The following TULP1 variants were observed in gnomAD, a reference collection of about 807,000 sequenced individuals.
The protein encoded by TULP1 is tubby-related protein 1.
In TULP1, 50 loss-of-function variants were observed where a neutral mutation model predicts 67.1. The ratio of observed to expected loss-of-function variants is 0.75; its 90% CI spans 0.59 to 0.94. The LOEUF (loss-of-function observed/expected upper bound fraction) is 0.94. Ranked by LOEUF, TULP1 falls within the 40% of genes least tolerant of loss-of-function variation. The pLI is 0.00. For missense variants in TULP1, 746 were observed against 734.1 expected, an observed-to-expected ratio of 1.02 and a Z score of -0.19; for synonymous variants, 297 against 294.0, an observed-to-expected ratio of 1.01 and a Z score of -0.11.
intron 14 of TULP1, 79 bp downstream of exon 14, chr6:35,499,902 G>T: frequency 6.6e-7 from 1 of 1,517,918 alleles, no homozygotes; most frequent in Non-Finnish European, 9.1e-7. Flanking sequence ...TGTGTGTGAG[G>T]GGGTGAGGGG....
At chr6:35,510,621 GTCC>G (rs1761176038) in intron 5 of TULP1, 1 of 726,466 alleles carries the variant, frequency 1.4e-6, no homozygotes, top group Admixed American at 3.0e-5. Context: ...AGAATCCTCT[GTCC>G]TCCTCTGCCT....
At position 35,498,551 on chromosome 6, in the gene TULP1, C is replaced by T; in HGVS notation, c.1496-91G>A. 6.3e-7 allele frequency: 1 copy of T among 1,581,282 alleles called. No homozygotes were observed. The highest frequency in any genetic ancestry group is 8.6e-7 in the Non-Finnish European group (1 of 1,162,926). On this transcript the variant is annotated intron_variant, in intron 14 of 14. Transcript: ENST00000229771. This position sits in a 1 kb window ranked among gnomAD's most constrained non-coding sequence, Gnocchi z 6.7. ...GCCCTCAACCTTGGGGGCAGTCTGT[C>T]CCTTGCCTTGGGGCTCCAACCCTCA...
intron 5 of TULP1, among the ~76,000 whole-genome samples, chr6:35,510,213 C>T (rs866374198): frequency 6.6e-6 from 1 of 152,146 alleles, no homozygotes; most frequent in South Asian, 2.1e-4. Flanking sequence ...GCCACCACCC[C>T]TGGCTAATTT....
chr6:35,512,738 C>T (rs2150929152), intron 1 of TULP1, 48 bp from the exon 2 acceptor site: 1 of 1,568,662 alleles, frequency 6.4e-7, no homozygotes, highest in Non-Finnish European at 8.7e-7. Context: ...CTTCCCTCCC[C>T]ATCCCACCCA....
At chr6:35,507,336 T>C (rs1212489450) in intron 8 of TULP1, among the ~76,000 whole-genome samples, 1 of 151,982 alleles carries the variant, frequency 6.6e-6, no homozygotes, top group Non-Finnish European at 1.5e-5. Flanking sequence ...AGTGAAGCCT[T>C]CAGAGTGACC....
chr6:35,506,225 C>T, intron 9 of TULP1, 49 bp downstream of exon 9: 1 of 1,608,582 alleles, frequency 6.2e-7, no homozygotes, highest in East Asian at 2.2e-5. Context: ...TCCCCCGCTC[C>T]CAGCAGGTCC....
chr6:35,499,662 C>T (rs1160070216), intron 14 of TULP1, among the ~76,000 whole-genome samples: 1 of 151,100 alleles, frequency 6.6e-6, no homozygotes, highest in East Asian at 1.9e-4. Flanking sequence ...TTGGGCTGTC[C>T]GTGGTTTTCA....
At position 35,509,307 on chromosome 6, in the gene TULP1, G is replaced by A. The variant is rs748120669; in HGVS notation, c.724C>T (p.Pro242Ser). 2.5e-6 allele frequency: 4 copies of A among 1,613,866 alleles called. No homozygotes were observed. The East Asian group carries it at 6.7e-5, about 27-fold the overall frequency. The change falls in exon 8 of 15, where the codon CCC becomes TCC. Residue 242 changes from proline (P) to serine (S), a missense_variant. Around this residue, in one of 3 missense-constraint regions of TULP1, gnomAD observed 359 missense variants for 341.9 expected, o/e 1.05. Transcript: ENST00000229771. Reference sequence around the variant, plus strand: ...TCTTCCTCCTTCCTCGCGCCTTTGGGAGTGCCTGAGCGTGGAGGGGGAAAC... The same window carrying A: ...TCTTCCTCCTTCCTCGCGCCTTTGGAAGTGCCTGAGCGTGGAGGGGGAAAC... ...DKKALKKKGT[P>S]KGARKEEEEE...
Position 35,503,160 on chromosome 6 carries a change from G to A in TULP1, c.1323+399C>T, listed in dbSNP as rs567734638. Among the ~76,000 whole-genome samples the A allele has an allele frequency of 1.3e-5, 2 of 151,682 alleles. No homozygotes were observed. Among genetic ancestry groups the A allele is most frequent in the Admixed American group, 6.6e-5 (1 of 15,242 alleles). ...TCACCATGTTAGCCAGGATAGTCTC[G>A]ATCTCCTGACCTCGTGATCCGCCCA... On this transcript the variant is annotated intron_variant, in intron 13 of 14. Coordinates refer to ENST00000229771, the MANE Select transcript of TULP1 (RefSeq NM_003322.6). The surrounding 1 kb of genome is among the most constrained non-coding windows in gnomAD (Gnocchi z 4.0).
rs138537513 is a variant in TULP1 at position 35,500,043 on chromosome 6, T to C, written c.1433A>G (p.Asn478Ser). The C allele has an allele frequency of 4.3e-6, 7 of 1,613,808 alleles. No individual in the cohort carries two copies. In the African/African-American group the frequency reaches 6.7e-5, roughly 15 times the overall value. Reference sequence around the variant, plus strand: ...GGCCTGGGTGACCCGGCCTTGGAAGTTGAGGGTGTAGGAGCCACTGTCATC... The same window carrying C: ...GGCCTGGGTGACCCGGCCTTGGAAGCTGAGGGTGTAGGAGCCACTGTCATC... The part of the protein sequence containing the change: ...WNDDSGSYTL[N>S]FQGRVTQASV... Residue 478 changes from asparagine (N) to serine (S), a missense_variant, in exon 14 of 15, where the codon AAC (asparagine) becomes AGC (serine). By Grantham distance (46) the Asn-to-Ser change is conservative. Coordinates refer to ENST00000229771, the MANE Select transcript of TULP1 (RefSeq NM_003322.6).
intron 13 of TULP1, among the ~76,000 whole-genome samples, chr6:35,502,083 T>G (rs1760978377): frequency 6.6e-6 from 1 of 152,210 alleles, no homozygotes; most frequent in African/African-American, 2.4e-5. Context: ...ACCTTCTCAT[T>G]GAGGTCTGCT....
At chr6:35,509,070 C>T in intron 8 of TULP1, 139 bp downstream of exon 8, 1 of 805,828 alleles carries the variant, frequency 1.2e-6, no homozygotes, top group Non-Finnish European at 2.2e-6. Context: ...TTCCTTTGTC[C>T]TTATATCCTG....
chr6:35,503,584 T>C lies in TULP1; in HGVS notation c.1298A>G (p.Glu433Gly), dbSNP rs757339709. The C allele has an allele frequency of 1.6e-5, 25 of 1,585,608 alleles. No homozygotes were observed. Among genetic ancestry groups the C allele is most frequent in the Non-Finnish European group, 2.1e-5 (25 of 1,166,052 alleles). The part of the protein sequence containing the change: ...VIIPGMSAEN[E>G]RVPIRPRNAS... ...ATTTCGGGGCCGGATGGGGACCCTC[T>C]CGTTCTCCGCACTCATGCCAGGAAT... Residue 433 changes from glutamate (E) to glycine (G), a missense_variant, in exon 13 of 15, where the codon GAG (glutamate) becomes GGG (glycine). Coordinates refer to ENST00000229771, the MANE Select transcript of TULP1 (RefSeq NM_003322.6). This position sits in a 1 kb window ranked among gnomAD's most constrained non-coding sequence, Gnocchi z 4.0.
At chr6:35,510,016 C>T (rs1761165217) in intron 5 of TULP1, 88 bp from the exon 6 acceptor site, 5 of 1,305,822 alleles carry the variant, frequency 3.8e-6, no homozygotes, top group East Asian at 2.3e-5. Context: ...CCTATAGTCC[C>T]CAGGGAGGCT....
chr6:35,510,556 A>AT (rs1761175207), intron 5 of TULP1: 1 of 477,878 alleles, frequency 2.1e-6, no homozygotes, highest in Admixed American at 3.5e-5. Flanking sequence ...TATAAAAATG[A>AT]TAACAATTTC....
In TULP1 at chr6:35,498,534, C is replaced by G; in HGVS notation, c.1496-74G>C. On this transcript the variant is annotated intron_variant, in intron 14 of 14. Coordinates refer to ENST00000229771, the MANE Select transcript of TULP1 (RefSeq NM_003322.6). This position sits in a 1 kb window ranked among gnomAD's most constrained non-coding sequence, Gnocchi z 6.7. ...CCATCCTGGCAGACAGTGCCCTCAA[C>G]CTTGGGGGCAGTCTGTCCCTTGCCT... The G allele has an allele frequency of 1.9e-6, 3 of 1,601,508 alleles. No individual in the cohort carries two copies. Among genetic ancestry groups the G allele is most frequent in the Middle Eastern group, 1.7e-4 (1 of 5,974 alleles).
intron 2 of TULP1, 32 bp from the exon 3 acceptor site, chr6:35,512,302 A>G (rs929919720): frequency 7.7e-6 from 9 of 1,172,192 alleles, no homozygotes; most frequent in Non-Finnish European, 1.0e-5. Flanking sequence ...GAGGTCGAGG[A>G]AGGAAAGGGG....
In TULP1 at chr6:35,499,211, C is replaced by T. The variant is rs141468274; in HGVS notation, c.1496-751G>A. ...CCAACCAAGGCTTGTAACAGGGACA[C>T]CTTGTTTCCCTGAGTCTTCCAGGGT... On this transcript the variant is annotated intron_variant, in intron 14 of 14. Transcript: ENST00000229771. Among the ~76,000 whole-genome samples, 4 of 152,310 alleles carry T rather than the reference C, an allele frequency of 2.6e-5. No homozygotes were observed. In the East Asian group the frequency reaches 5.8e-4, roughly 22 times the overall value.
intron 9 of TULP1, 21 bp from the exon 10 acceptor site, chr6:35,506,194 C>T (rs1331156095): frequency 6.2e-7 from 1 of 1,613,220 alleles, no homozygotes; most frequent in Middle Eastern, 1.7e-4. Flanking sequence ...GCAGAGGGTA[C>T]ATCAGCCCCA....
Sources: allele counts gnomAD v4.1 joint callset (sites outside exome capture counted in the v4.1 genomes callset), GRCh38; gene constraint gnomAD v4.1.1; regional missense constraint gnomAD v4.1.1; non-coding constraint Gnocchi (gnomAD v3.1); transcripts MANE v1.5; gene names NCBI Gene and HGNC (gene_info 2026-07-23, HGNC 2026-07-21).